FBRSL1: variants seen among roughly 807,000 people sequenced by gnomAD.
FBRSL1 encodes fibrosin like 1, also known as fibrosin-1-like protein.
FBRSL1 carries 51 observed loss-of-function variants against 89.6 expected under a neutral mutation model. The ratio of observed to expected loss-of-function variants is 0.57; its 90% confidence interval spans 0.45 to 0.72. The LOEUF is 0.72. FBRSL1 is among the 30% of genes least tolerant of loss of function. FBRSL1 has a pLI of 0.00. For missense variants in FBRSL1, 1,618 were observed against 1,451.8 expected, an observed-to-expected ratio of 1.11 and a Z score of -1.86; for synonymous variants, 779 against 681.1, an observed-to-expected ratio of 1.14 and a Z score of -2.24.
intron 5 of FBRSL1, among the ~76,000 whole-genome samples, chr12:132,558,047 T>G (rs1362017164): frequency 2.2e-5 from 2 of 90,206 alleles, no homozygotes; most frequent in East Asian, 7.7e-4. Context: ...GCCCGTTCCC[T>G]CTCTGTGGGC....
intron 2 of FBRSL1, among the ~76,000 whole-genome samples, chr12:132,525,289 C>T (rs914691605): frequency 6.6e-6 from 1 of 152,196 alleles, no homozygotes; most frequent in Non-Finnish European, 1.5e-5. Context: ...GAGGTCATAG[C>T]CCTGTACAGC....
intron 2 of FBRSL1, chr12:132,511,260 A>T (rs2034307462): frequency 1.0e-6 from 1 of 984,724 alleles, no homozygotes; most frequent in Non-Finnish European, 1.2e-6. Flanking sequence ...CAGGGTCTCC[A>T]GGCGAGGGGG....
rs1219894405 is a variant in FBRSL1 at position 132,584,539 on chromosome 12, C to T, written c.*761C>T. On this transcript the variant is annotated 3_prime_UTR_variant, in exon 19 of 19. Coordinates refer to ENST00000680143, the MANE Select transcript of FBRSL1 (RefSeq NM_001367871.1). ...CAGAAGTTTAATGGCAGCAACTTTC[C>T]TTCAACTATGCAAGCGCTTCCCGGC... is the stretch of plus-strand genomic sequence containing the variant. The T allele has an allele frequency of 2.0e-5, 3 of 152,194 alleles. No individual in the cohort carries two copies. Among genetic ancestry groups the T allele is most frequent in the Non-Finnish European group, 2.9e-5 (2 of 68,046 alleles). The allele number at this position is 152,194 out of a possible 1,614,324, so 9.4% of individuals were successfully genotyped here.
chr12:132,509,424 C>T, intron 2 of FBRSL1: 1 of 1,242,538 alleles, frequency 8.0e-7, no homozygotes, highest in Non-Finnish European at 1.0e-6. Flanking sequence ...GGGCCCCGGT[C>T]AGCCCTGCCG....
intron 3 of FBRSL1, among the ~76,000 whole-genome samples, chr12:132,526,319 C>T (rs1022904199): frequency 1.3e-5 from 2 of 152,332 alleles, no homozygotes; most frequent in South Asian, 2.1e-4. Flanking sequence ...CCTCACTGCC[C>T]GGCTCCCCAT....
At position 132,582,141 on chromosome 12, in the gene FBRSL1, A is replaced by C; in HGVS notation, c.2076A>C (p.Arg692=). ...CCAGCCCCCATGAGGCCTGGAACCG[A>C]CTGCACCGGGCACCGCCCTCCTTCC... The part of the protein sequence containing the change: ...GLPSPHEAWN[R]LHRAPPSFPA... Residue 692 remains arginine (R), a synonymous_variant, in exon 18 of 19, where the codon CGA becomes CGC. Coordinates refer to ENST00000680143, the MANE Select transcript of FBRSL1 (RefSeq NM_001367871.1). 1.3e-6 allele frequency: 2 copies of C among 1,549,750 alleles called. No individual in the cohort carries two copies. The highest frequency in any genetic ancestry group is 1.7e-6 in the Non-Finnish European group (2 of 1,146,688).
chr12:132,521,679 G>A (rs2035370675), intron 2 of FBRSL1, among the ~76,000 whole-genome samples: 1 of 152,186 alleles, frequency 6.6e-6, no homozygotes, highest in Non-Finnish European at 1.5e-5. Flanking sequence ...TGATCCGATT[G>A]GTGTGAGACT....
chr12:132,533,240 C>A (rs2036448850), intron 4 of FBRSL1, among the ~76,000 whole-genome samples: 1 of 136,562 alleles, frequency 7.3e-6, no homozygotes, highest in Admixed American at 7.6e-5. Context: ...CAGTCTCCTC[C>A]CGACCCAGCC....
At chr12:132,523,961 G>A (rs1237724578) in intron 2 of FBRSL1, among the ~76,000 whole-genome samples, 5 of 152,214 alleles carry the variant, frequency 3.3e-5, no homozygotes, top group African/African-American at 4.8e-5. Context: ...TGCCAGCTCC[G>A]GGGGTGAGAA....
At chr12:132,557,371 C>T (rs1016007562) in intron 5 of FBRSL1, among the ~76,000 whole-genome samples, 2 of 152,232 alleles carry the variant, frequency 1.3e-5, no homozygotes, top group Admixed American at 6.5e-5. Context: ...TCCTTCTAGA[C>T]TTCTAACCTC....
chr12:132,512,905 C>G (rs537892195), intron 2 of FBRSL1, among the ~76,000 whole-genome samples: 1 of 152,192 alleles, frequency 6.6e-6, no homozygotes, highest in South Asian at 2.1e-4. Context: ...TGGCCATGAC[C>G]CTGCAGCCTC....
At chr12:132,515,170 G>A (rs1352549476) in intron 2 of FBRSL1, among the ~76,000 whole-genome samples, 1 of 152,092 alleles carries the variant, frequency 6.6e-6, no homozygotes. Context: ...TCATGCATCA[G>A]GCCAGAGTGT....
intron 2 of FBRSL1, among the ~76,000 whole-genome samples, chr12:132,513,925 A>C (rs570177781): frequency 1.2e-4 from 18 of 151,988 alleles, no homozygotes; most frequent in Non-Finnish European, 2.1e-4. Flanking sequence ...CCCAGCATCC[A>C]CGCCTGGTGT....
chr12:132,570,640 G>A, intron 8 of FBRSL1, 100 bp downstream of exon 8: 2 of 1,075,190 alleles, frequency 1.9e-6, no homozygotes, highest in Non-Finnish European at 1.3e-6. Flanking sequence ...CACCTGCTGT[G>A]GTCTCTGCGG....
At chr12:132,496,332 C>T (rs1382071704) in intron 1 of FBRSL1, among the ~76,000 whole-genome samples, 2 of 152,220 alleles carry the variant, frequency 1.3e-5, no homozygotes, top group South Asian at 4.1e-4. Flanking sequence ...AAGAGAAGTG[C>T]CCAGAACTGG....
intron 14 of FBRSL1, among the ~76,000 whole-genome samples, chr12:132,575,802 G>A (rs1343458388): frequency 6.6e-6 from 1 of 152,274 alleles, no homozygotes; most frequent in Non-Finnish European, 1.5e-5. Context: ...ATCATGGCCA[G>A]TGAAACCACC....
chr12:132,492,495 G>A (rs912334964), intron 1 of FBRSL1, among the ~76,000 whole-genome samples: 8 of 152,324 alleles, frequency 5.3e-5, no homozygotes, highest in Non-Finnish European at 1.0e-4. Context: ...GTCTGGTGCC[G>A]GGAAGAGCTC....
intron 2 of FBRSL1, among the ~76,000 whole-genome samples, chr12:132,514,409 G>A (rs915390337): frequency 2.6e-5 from 4 of 152,204 alleles, no homozygotes; most frequent in African/African-American, 9.6e-5. Context: ...GCCCAGGACC[G>A]CAGTACCAGA....
chr12:132,528,291 A>T lies in FBRSL1; in HGVS notation c.615+303A>T, dbSNP rs373700238. On this transcript the variant is annotated intron_variant, in intron 4 of 18. Transcript: ENST00000680143. ...GTGGCCTTGCCAGGAGCCTCAGAGT[A>T]GTCAGCCTGCACAGACCCCAGCTGC... Among the ~76,000 whole-genome samples, 500 of 152,098 alleles carry T rather than the reference A, an allele frequency of 3.3e-3. 3 individuals are homozygous for T. The highest frequency in any genetic ancestry group is 0.031 in the Middle Eastern group (9 of 294).
Sources: gnomAD v4.1 joint callset for allele counts (sites outside exome capture counted in the v4.1 genomes callset) on GRCh38, gnomAD v4.1.1 for gene constraint, MANE v1.5 for transcripts, NCBI Gene and HGNC (gene_info 2026-07-23, HGNC 2026-07-21) for gene names.